CAMK2A: variants seen among roughly 807,000 people sequenced by gnomAD.
The protein encoded by CAMK2A is calcium/calmodulin dependent protein kinase II alpha, also known as calcium/calmodulin-dependent protein kinase type II subunit alpha.
A neutral mutation model predicts 79.2 loss-of-function variants in CAMK2A; 7 were observed. The ratio of observed to expected loss-of-function variants is 0.09; its 90% CI spans 0.05 to 0.17. CAMK2A has a LOEUF of 0.17. Ranked by LOEUF, CAMK2A falls within the 10% of genes least tolerant of loss-of-function variation. CAMK2A has a pLI of 1.00. For missense variants in CAMK2A, 214 were observed against 646.4 expected (o/e 0.33, Z 7.25); for synonymous variants, 242 against 251.7 (o/e 0.96, Z 0.36).
intron 16 of CAMK2A, 127 bp from the exon 17 acceptor site, chr5:150,228,413 G>C: frequency 1.5e-6 from 1 of 650,074 alleles, no homozygotes; most frequent in Non-Finnish European, 2.7e-6. Context: ...TAGATGGGAA[G>C]GGGCCAGGGG....
At chr5:150,234,992 C>G (rs1348324011) in intron 15 of CAMK2A, among the ~76,000 whole-genome samples, 1 of 152,232 alleles carries the variant, frequency 6.6e-6, no homozygotes, top group Non-Finnish European at 1.5e-5. Context: ...GTGGTACTGA[C>G]TCAAGCTGGC....
intron 7 of CAMK2A, 79 bp downstream of exon 7, chr5:150,253,365 G>T (rs1034528045): frequency 3.5e-6 from 4 of 1,153,758 alleles, no homozygotes; most frequent in Non-Finnish European, 5.2e-6. Context: ...ACCCACTCAG[G>T]CAGGGGGTTC....
intron 1 of CAMK2A, among the ~76,000 whole-genome samples, chr5:150,283,956 C>T (rs1190736534): frequency 6.6e-6 from 1 of 152,196 alleles, no homozygotes; most frequent in Non-Finnish European, 1.5e-5. Context: ...CCACCTGACA[C>T]CGTGGTAGAC....
At chr5:150,289,926 G>A (rs548534575), upstream of CAMK2A, 13 of 453,150 alleles carry the variant, frequency 2.9e-5, no homozygotes, top group East Asian at 2.4e-4. Flanking sequence ...GCTCTCGGAC[G>A]CCCTGACCAT....
intron 17 of CAMK2A, among the ~76,000 whole-genome samples, chr5:150,225,492 G>A (rs1038754092): frequency 3.3e-5 from 5 of 152,196 alleles, no homozygotes; most frequent in Non-Finnish European, 7.3e-5. Flanking sequence ...GGGGCCCGCT[G>A]CATAGAGGCA....
intron 11 of CAMK2A, among the ~76,000 whole-genome samples, chr5:150,248,218 C>T (rs978958354): frequency 4.6e-5 from 7 of 152,046 alleles, no homozygotes; most frequent in East Asian, 1.9e-4. Flanking sequence ...CCCTCTGCCC[C>T]GTGCTGAGAG....
intron 15 of CAMK2A, among the ~76,000 whole-genome samples, chr5:150,232,863 T>A (rs1231881142): frequency 6.6e-6 from 1 of 152,152 alleles, no homozygotes; most frequent in Non-Finnish European, 1.5e-5. Flanking sequence ...GGCCAGAGCC[T>A]CCTTATCAAA....
intron 18 of CAMK2A, 121 bp from the exon 19 acceptor site, chr5:150,222,834 C>T: frequency 7.0e-7 from 1 of 1,422,984 alleles, no homozygotes; most frequent in Non-Finnish European, 9.9e-7. Flanking sequence ...AGCTCTTCCC[C>T]CAGACCTGCA....
intron 11 of CAMK2A, 30 bp downstream of exon 11, chr5:150,250,196 C>A (rs868025970): frequency 1.3e-6 from 2 of 1,560,804 alleles, no homozygotes; most frequent in Middle Eastern, 3.3e-4. Context: ...AGTCCCATGG[C>A]CAGGACTGTG....
intron 1 of CAMK2A, among the ~76,000 whole-genome samples, chr5:150,278,215 G>C (rs1220265527): frequency 6.6e-6 from 1 of 152,096 alleles, no homozygotes; most frequent in Non-Finnish European, 1.5e-5. Context: ...GGAAAGAAGG[G>C]GGTCTGAATG....
chr5:150,272,972 C>A, intron 2 of CAMK2A, 93 bp downstream of exon 2: 2 of 951,760 alleles, frequency 2.1e-6, no homozygotes, highest in East Asian at 2.4e-5. Context: ...CACCCAGGGG[C>A]TCAGCCCTGG....
intron 11 of CAMK2A, among the ~76,000 whole-genome samples, chr5:150,248,984 C>T (rs150903670): frequency 1.3e-5 from 2 of 152,266 alleles, no homozygotes; most frequent in African/African-American, 4.8e-5. Flanking sequence ...GTTAAGAATC[C>T]CTGATTCTGA....
intron 6 of CAMK2A, 107 bp from the exon 7 acceptor site, chr5:150,253,653 C>T (rs1236182305): frequency 6.3e-6 from 6 of 958,098 alleles, no homozygotes; most frequent in African/African-American, 1.6e-5. Flanking sequence ...AAGAACAGCC[C>T]GGCCCTCCGG....
chr5:150,283,552 A>T (rs1248904803), intron 1 of CAMK2A, among the ~76,000 whole-genome samples: 1 of 151,888 alleles, frequency 6.6e-6, no homozygotes, highest in African/African-American at 2.4e-5. Context: ...CCTCTGGGTA[A>T]CTCTTATTCA....
intron 1 of CAMK2A, among the ~76,000 whole-genome samples, chr5:150,282,993 C>G (rs554465532): frequency 2.0e-5 from 3 of 152,336 alleles, no homozygotes; most frequent in Admixed American, 6.5e-5. Context: ...GCCTCTAGGG[C>G]CCCTCAGGCC....
upstream of CAMK2A, chr5:150,289,804 G>A (rs551309706): frequency 2.5e-3 from 1,374 of 546,862 alleles, 5 homozygotes; most frequent in Non-Finnish European, 3.7e-3. Flanking sequence ...TCACAGCCTC[G>A]CGAGCCTTCG....
intron 17 of CAMK2A, among the ~76,000 whole-genome samples, chr5:150,227,037 G>A (rs572151680): frequency 3.4e-4 from 52 of 152,108 alleles, no homozygotes; most frequent in South Asian, 8.3e-4. Flanking sequence ...CTCCCAAAGT[G>A]CTGGGATTAC....
chr5:150,264,486 C>A (rs372677533), intron 3 of CAMK2A, among the ~76,000 whole-genome samples: 1 of 152,232 alleles, frequency 6.6e-6, no homozygotes, highest in Non-Finnish European at 1.5e-5. Flanking sequence ...CTGCCATGGC[C>A]CAGCCTCTCC....
intron 10 of CAMK2A, 132 bp downstream of exon 10, chr5:150,250,556 C>A: frequency 7.8e-7 from 1 of 1,287,522 alleles, no homozygotes. Flanking sequence ...CCCTGAGAAC[C>A]ACAGCAGGGG....
Sources: gnomAD v4.1 joint callset for allele counts (sites outside exome capture counted in the v4.1 genomes callset) on GRCh38, gnomAD v4.1.1 for gene constraint, MANE v1.5 for transcripts, NCBI Gene and HGNC (gene_info 2026-07-23, HGNC 2026-07-21) for gene names.